Variants in NHSL2 observed in about 807,000 individuals in gnomAD.
NHSL2 encodes NHS-like protein 2.
Under a neutral mutation model 53.4 loss-of-function variants are expected in NHSL2, and 27 were observed. The ratio of observed to expected loss-of-function variants is 0.51; its 90% CI spans 0.37 to 0.70. NHSL2 has a LOEUF of 0.70. Among genes scored for constraint, NHSL2 ranks in the 30% least tolerant of loss-of-function variants. The pLI, the probability that NHSL2 is intolerant of heterozygous loss-of-function variation, is 0.00. For missense variants in NHSL2, 892 were observed against 980.1 expected, an observed-to-expected ratio of 0.91 and a Z score of 1.20; for synonymous variants, 408 against 404.1, an observed-to-expected ratio of 1.01 and a Z score of -0.12.
chrX:72,045,028 G>T lies in NHSL2; in HGVS notation c.281-87051G>T, dbSNP rs557165568. The stretch of plus-strand genomic sequence containing the variant: ...TGATGTGGCACTGGCTGCATAGCAT[G>T]CTAGAAGCCCCCACGTGGAGCTATC... On this transcript the variant is annotated intron_variant, in intron 1 of 7. Coordinates refer to ENST00000633930, the MANE Select transcript of NHSL2 (RefSeq NM_001013627.3). 48 of 477,194 alleles carry T rather than the reference G, an allele frequency of 1.0e-4. No homozygotes were observed. In the South Asian group the frequency reaches 1.5e-3, roughly 14 times the overall value. The allele number at this position is 477,194 out of a possible 1,213,427, so 39.3% of individuals were successfully genotyped here. A position where few individuals can be genotyped will look rare whatever the true frequency, so the allele number is the denominator to read the frequency against.
In NHSL2 at chrX:72,093,717, GCTTGCTTTCTTT is replaced by G. The variant is rs61624050; in HGVS notation, c.281-38358_281-38347del. On this transcript the variant is annotated intron_variant, in intron 1 of 7. Transcript: ENST00000633930. ...TGTGAATATTCCCCTAGTATAGCTT[GCTTGCTTTCTTT>G]CTTTCTTTCTTTCTTTCTTTCTTTC... 5.8e-3 allele frequency among the ~76,000 whole-genome samples: 456 copies of G among 78,679 alleles called. 4 individuals carry two copies. Among genetic ancestry groups the G allele is most frequent in the African/African-American group, 0.018 (409 of 22,132 alleles). 68.3% of individuals were successfully genotyped at this position (78,679 alleles called of 115,157 possible).
rs1299233705 is a variant in NHSL2, at chrX:72,011,589, C to T, written c.280+100222C>T. ...GGAGGCTGAGGCAGGAGAATTGCTT[C>T]AACCTGGGAGGTGGAGGTTGCAGTG... On this transcript the variant is annotated intron_variant, in intron 1 of 7. Transcript: ENST00000633930. Among the ~76,000 whole-genome samples the T allele has an allele frequency of 2.0e-4, 22 of 110,953 alleles. No homozygotes were observed. In the Admixed American group the frequency reaches 2.1e-3, roughly 11 times the overall value.
rs10127164 is a variant in NHSL2 at position 72,110,554 on chromosome X, C to G, written c.281-21525C>G. ...CAACCCTTTCCCCTGCCGTGACCCC[C>G]TCCAGCAAGCTTTCCAACAAAGAAA... On this transcript the variant is annotated intron_variant, in intron 1 of 7. Coordinates refer to ENST00000633930, the MANE Select transcript of NHSL2 (RefSeq NM_001013627.3). Among the ~76,000 whole-genome samples the G allele has an allele frequency of 4.4e-3, 482 of 109,380 alleles. 4 individuals carry two copies. The highest frequency in any genetic ancestry group is 0.016 in the African/African-American group (466 of 30,032). 95.0% of individuals were successfully genotyped at this position (109,380 alleles called of 115,157 possible). A position where few individuals can be genotyped will look rare whatever the true frequency, so the allele number is the denominator to read the frequency against.
chrX:72,017,147 AG>A (rs2042139115), intron 1 of NHSL2, among the ~76,000 whole-genome samples: 1 of 112,186 alleles, frequency 8.9e-6, no homozygotes, highest in South Asian at 3.7e-4. Flanking sequence ...ATATAGGGGA[AG>A]ACGGGCTGGG....
chrX:71,992,487 C>T (rs2042031743), intron 1 of NHSL2, among the ~76,000 whole-genome samples: 1 of 111,909 alleles, frequency 8.9e-6, no homozygotes, highest in Non-Finnish European at 1.9e-5. Flanking sequence ...GTATCTTTGT[C>T]TCCCTGTTTC....
intron 1 of NHSL2, among the ~76,000 whole-genome samples, chrX:72,105,976 G>T (rs981083974): frequency 2.7e-5 from 3 of 111,289 alleles, no homozygotes; most frequent in Non-Finnish European, 1.9e-5. Context: ...TTGGGAGGCT[G>T]AGGCGGGCAG....
intron 1 of NHSL2, among the ~76,000 whole-genome samples, chrX:72,076,850 T>G (rs912357981): frequency 8.9e-6 from 1 of 111,736 alleles, no homozygotes; most frequent in Non-Finnish European, 1.9e-5. Flanking sequence ...ATTTCAAAAG[T>G]CAGTTTCCTG....
chrX:72,005,155 A>G (rs1485677244), intron 1 of NHSL2, among the ~76,000 whole-genome samples: 1 of 112,638 alleles, frequency 8.9e-6, no homozygotes, highest in Non-Finnish European at 1.9e-5. Flanking sequence ...TTGTAGAGAC[A>G]GAGGTCTCTC....
chrX:71,972,195 T>A (rs1415968156), intron 1 of NHSL2, among the ~76,000 whole-genome samples: 4 of 110,636 alleles, frequency 3.6e-5, no homozygotes, highest in Non-Finnish European at 7.6e-5. Flanking sequence ...CCACCATGCC[T>A]GGCTAATTTT....
intron 1 of NHSL2, among the ~76,000 whole-genome samples, chrX:71,920,269 C>T (rs2041650647): frequency 8.9e-6 from 1 of 111,978 alleles, no homozygotes; most frequent in African/African-American, 3.2e-5. Context: ...TTTTTAATTA[C>T]AGCCGTAGAC....
rs1291687950 is a variant in NHSL2 at position 72,143,521 on chromosome X, A to T, written c.3625A>T (p.Ile1209Phe). The T allele has an allele frequency of 8.6e-7, 1 of 1,166,728 alleles. No individual in the cohort carries two copies. Among genetic ancestry groups the T allele is most frequent in the South Asian group, 1.9e-5 (1 of 52,644 alleles). Residue 1209 changes from isoleucine to phenylalanine, a missense_variant, in exon 8 of 8, where the codon ATT becomes TTT. Physicochemically the swap from Ile to Phe is conservative, Grantham distance 21. Coordinates refer to ENST00000633930, the MANE Select transcript of NHSL2 (RefSeq NM_001013627.3). ...LKTTNPLARR[I>F]IAQFSKDYET... ...GACCACTAACCCACTGGCTCGGAGA[A>T]TTATTGCACAATTTTCAAAAGACTA...
intron 1 of NHSL2, among the ~76,000 whole-genome samples, chrX:72,085,729 T>TG (rs1174198733): frequency 3.1e-5 from 3 of 97,534 alleles, no homozygotes; most frequent in African/African-American, 7.4e-5. Context: ...TTTTTTTTTG[T>TG]GGGGGGGTAT....
intron 4 of NHSL2, among the ~76,000 whole-genome samples, chrX:72,135,748 A>G (rs1435426227): frequency 1.8e-5 from 2 of 112,409 alleles, no homozygotes; most frequent in Admixed American, 1.9e-4. Flanking sequence ...CTAAATGTCT[A>G]TCTTGGCCAG....
chrX:72,089,745 AGAAG>A (rs2041880810), intron 1 of NHSL2, among the ~76,000 whole-genome samples: 1 of 110,866 alleles, frequency 9.0e-6, no homozygotes, highest in Non-Finnish European at 1.9e-5. Flanking sequence ...GGAGGAGTGT[AGAAG>A]GAAACCAAGT....
intron 1 of NHSL2, among the ~76,000 whole-genome samples, chrX:72,076,319 T>C (rs1402508956): frequency 8.9e-6 from 1 of 111,847 alleles, no homozygotes; most frequent in Non-Finnish European, 1.9e-5. Context: ...AAGCAGATTT[T>C]TTTGTCTCCA....
chrX:72,093,134 C>T (rs757672554), intron 1 of NHSL2, among the ~76,000 whole-genome samples: 45 of 112,797 alleles, frequency 4.0e-4, no homozygotes, highest in Non-Finnish European at 7.1e-4. Flanking sequence ...AGTCAACACA[C>T]AGCCAGGTAC....
intron 1 of NHSL2, among the ~76,000 whole-genome samples, chrX:72,094,059 G>A (rs1241583594): frequency 3.6e-5 from 4 of 111,567 alleles, no homozygotes; most frequent in Admixed American, 9.6e-5. Flanking sequence ...TGGGATTACC[G>A]GTGTGAGCCA....
intron 1 of NHSL2, among the ~76,000 whole-genome samples, chrX:72,059,178 C>T (rs7471384): frequency 0.091 from 10,101 of 110,606 alleles, 705 homozygotes; most frequent in African/African-American, 0.23. Context: ...TGGCACCACC[C>T]ATTCTATCTC....
chrX:72,074,849 G>A (rs1474605500), intron 1 of NHSL2, among the ~76,000 whole-genome samples: 9 of 112,747 alleles, frequency 8.0e-5, no homozygotes, highest in African/African-American at 2.6e-4. Context: ...ATAATTGGAA[G>A]AGAACTGTGG....
Sources: allele counts gnomAD v4.1 joint callset (sites outside exome capture counted in the v4.1 genomes callset), GRCh38; gene constraint gnomAD v4.1.1; transcripts MANE v1.5; gene names NCBI Gene and HGNC (gene_info 2026-07-23, HGNC 2026-07-21).